The following FBXO25 variants were observed in gnomAD, a reference collection of about 807,000 sequenced individuals.
FBXO25 encodes the protein F-box protein 25.
In FBXO25, 45 loss-of-function variants were observed where a neutral mutation model predicts 51.9. That is an observed-to-expected ratio of 0.87 (90% confidence interval 0.68 to 1.11). The LOEUF (loss-of-function observed/expected upper bound fraction) is 1.11. FBXO25 is among the 50% of genes most tolerant of loss of function. The pLI, the probability that FBXO25 is intolerant of heterozygous loss-of-function variation, is 0.00. For missense variants in FBXO25, 507 were observed against 428.5 expected (o/e 1.18, Z -1.62); for synonymous variants, 199 against 151.0 (o/e 1.32, Z -2.33).
chr8:464,720 AG>A (rs1462357933), intron 9 of FBXO25, among the ~76,000 whole-genome samples: 1 of 152,244 alleles, frequency 6.6e-6, no homozygotes, highest in Non-Finnish European at 1.5e-5. Flanking sequence ...GGTTGAGCAG[AG>A]AATGTAAAGA....
At chr8:467,697 A>T in intron 9 of FBXO25, 1 of 1,613,440 alleles carries the variant, frequency 6.2e-7, no homozygotes, top group Non-Finnish European at 8.5e-7. Flanking sequence ...TTCCTTCCTG[A>T]TTCTTTCTTC....
chr8:408,105 T>G (rs1279097741), intron 1 of FBXO25, among the ~76,000 whole-genome samples: 1 of 152,184 alleles, frequency 6.6e-6, no homozygotes, highest in Non-Finnish European at 1.5e-5. Flanking sequence ...GTCCTTAGAG[T>G]ACAACTTATT....
At chr8:461,866 T>A (rs1266229347) in intron 8 of FBXO25, among the ~76,000 whole-genome samples, 1 of 152,228 alleles carries the variant, frequency 6.6e-6, no homozygotes, top group African/African-American at 2.4e-5. Flanking sequence ...TCCCCCTCTA[T>A]GTATATCCAC....
At chr8:436,776 C>G (rs1798129324) in intron 5 of FBXO25, among the ~76,000 whole-genome samples, 1 of 152,214 alleles carries the variant, frequency 6.6e-6, no homozygotes, top group Non-Finnish European at 1.5e-5. Flanking sequence ...GTAACTGTTT[C>G]TCCATGTAGC....
intron 5 of FBXO25, among the ~76,000 whole-genome samples, chr8:437,262 G>A (rs1410504716): frequency 2.0e-5 from 3 of 152,204 alleles, no homozygotes; most frequent in African/African-American, 7.2e-5. Flanking sequence ...GTGCACTCAT[G>A]TACCAACTAA....
chr8:470,889 T>A lies in FBXO25; in HGVS notation c.*2085T>A, dbSNP rs1481650693. ...TAAATTACTTAATGTGGTATTTGCC[T>A]GTTTTTTGGGGTGGATGTCAGTCTT... On this transcript the variant is annotated 3_prime_UTR_variant, in exon 10 of 10. Coordinates refer to ENST00000350302, the MANE Select transcript of FBXO25 (RefSeq NM_183420.2). The A allele has an allele frequency of 6.6e-6, 1 of 152,246 alleles. No individual in the cohort carries two copies. Among genetic ancestry groups the A allele is most frequent in the Non-Finnish European group, 1.5e-5 (1 of 68,036 alleles). The allele number at this position is 152,246 out of a possible 1,614,324, so 9.4% of individuals were successfully genotyped here. A position where few individuals can be genotyped will look rare whatever the true frequency, so the allele number is the denominator to read the frequency against.
At chr8:465,780 G>C (rs1800116320) in intron 9 of FBXO25, among the ~76,000 whole-genome samples, 1 of 152,188 alleles carries the variant, frequency 6.6e-6, no homozygotes, top group Non-Finnish European at 1.5e-5. Context: ...GGATTTTGGA[G>C]CATCTCAGAT....
intron 8 of FBXO25, among the ~76,000 whole-genome samples, chr8:461,203 T>C (rs1158891887): frequency 2.0e-5 from 3 of 152,236 alleles, no homozygotes; most frequent in Admixed American, 2.0e-4. Flanking sequence ...TGGTAACACC[T>C]TTATTAAGAT....
At chr8:466,474 C>T (rs572510092) in intron 9 of FBXO25, among the ~76,000 whole-genome samples, 8 of 152,196 alleles carry the variant, frequency 5.3e-5, no homozygotes, top group Non-Finnish European at 1.0e-4. Flanking sequence ...ACTGCTTGTT[C>T]TTTGTTTGTT....
intron 1 of FBXO25, among the ~76,000 whole-genome samples, chr8:410,255 G>A (rs1217136255): frequency 2.0e-5 from 3 of 152,126 alleles, no homozygotes; most frequent in Non-Finnish European, 4.4e-5. Flanking sequence ...TATTACACTT[G>A]TATGGAATTT....
At position 458,372 on chromosome 8, in the gene FBXO25, G is replaced by A. The variant is rs758615829; in HGVS notation, c.664G>A (p.Val222Met). The change falls in exon 8 of 10, where the codon GTG (valine) becomes ATG (methionine). Residue 222 changes from valine (V) to methionine (M), a missense_variant. Val to Met is a conservative substitution (Grantham distance 21, BLOSUM62 1). Transcript: ENST00000350302. Reference protein sequence around the residue: ...QLQDLQMTKQVNNGLTLSDLP... With the variant: ...QLQDLQMTKQMNNGLTLSDLP... ...TGCTGTTGTGTTTTCCTTTCAGCAAGTGAACAATGGCCTCACCCTCAGTGA... is the reference window on the plus strand; with the variant it reads ...TGCTGTTGTGTTTTCCTTTCAGCAAATGAACAATGGCCTCACCCTCAGTGA... The A allele has an allele frequency of 1.2e-5, 19 of 1,612,450 alleles. No individual in the cohort carries two copies. The highest frequency in any genetic ancestry group is 1.3e-5 in the Non-Finnish European group (15 of 1,179,344).
chr8:438,279 G>C (rs1798219344), intron 5 of FBXO25, among the ~76,000 whole-genome samples: 1 of 152,076 alleles, frequency 6.6e-6, no homozygotes, highest in African/African-American at 2.4e-5. Context: ...GGCTCGTCTT[G>C]AACTCCTGAC....
intron 3 of FBXO25, among the ~76,000 whole-genome samples, chr8:432,540 C>CCAT (rs528522692): frequency 4.7e-4 from 72 of 152,212 alleles, no homozygotes; most frequent in African/African-American, 1.5e-3. Context: ...CTATGGAGTA[C>CCAT]CATACACAGC....
At chr8:414,174 CATA>C (rs1256937140) in intron 2 of FBXO25, among the ~76,000 whole-genome samples, 1 of 152,196 alleles carries the variant, frequency 6.6e-6, no homozygotes, top group African/African-American at 2.4e-5. Flanking sequence ...GAGGATAACA[CATA>C]ATATTTTTAA....
rs1210774813 is a variant in FBXO25, at chr8:476,261, G to C, written c.*7457G>C. 6.6e-6 allele frequency: 1 copy of C among 152,038 alleles called. No homozygotes were observed. The highest frequency in any genetic ancestry group is 2.4e-5 in the African/African-American group (1 of 41,398). 9.4% of individuals were successfully genotyped at this position (152,038 alleles called of 1,614,324 possible). On this transcript the variant is annotated 3_prime_UTR_variant, in exon 10 of 10. Transcript: ENST00000350302. ...TCCTTTCAATGTCCCACTGAATCCT[G>C]TTGGCCAGTATTTTGTTGAATATTG... is the stretch of plus-strand genomic sequence containing the variant.
intron 2 of FBXO25, among the ~76,000 whole-genome samples, chr8:428,897 A>G (rs953473110): frequency 1.3e-5 from 2 of 152,186 alleles, no homozygotes; most frequent in African/African-American, 4.8e-5. Flanking sequence ...ATAATATTCC[A>G]TATTGTGTAT....
Position 435,393 on chromosome 8 carries a change from G to A in FBXO25, c.289-222G>A, listed in dbSNP as rs1585044166. 24 of 550,062 alleles carry A rather than the reference G, an allele frequency of 4.4e-5. No individual in the cohort carries two copies. The East Asian group carries it at 8.1e-4, about 18-fold the overall frequency. The allele number at this position is 550,062 out of a possible 1,614,324, so 34.1% of individuals were successfully genotyped here. On this transcript the variant is annotated intron_variant, in intron 4 of 9. Coordinates refer to ENST00000350302, the MANE Select transcript of FBXO25 (RefSeq NM_183420.2). ...GTCTTTGTCATTACTTCAGCAGGTT[G>A]TAAAAAATGTCAGTTAACGGTGTCT...
At chr8:438,832 C>A (rs890242461) in intron 5 of FBXO25, among the ~76,000 whole-genome samples, 2 of 152,210 alleles carry the variant, frequency 1.3e-5, no homozygotes, top group African/African-American at 4.8e-5. Flanking sequence ...CTGGCTGGGA[C>A]CTTGGCCTCA....
intron 8 of FBXO25, 92 bp from the exon 9 acceptor site, chr8:462,915 A>G (rs1173460143): frequency 7.0e-7 from 1 of 1,436,104 alleles, no homozygotes; most frequent in African/African-American, 1.4e-5. Flanking sequence ...AAAAGAAATT[A>G]AAAACTAAAA....
Sources: allele counts gnomAD v4.1 joint callset (sites outside exome capture counted in the v4.1 genomes callset), GRCh38; gene constraint gnomAD v4.1.1; transcripts MANE v1.5; gene names NCBI Gene and HGNC (gene_info 2026-07-23, HGNC 2026-07-21).